AMD1: variants seen among roughly 807,000 people sequenced by gnomAD.
AMD1 encodes the protein S-adenosylmethionine decarboxylase proenzyme.
In AMD1, 11 loss-of-function variants were observed where a neutral mutation model predicts 40.2. That is an observed-to-expected ratio of 0.27 (90% CI 0.17 to 0.45). The LOEUF (loss-of-function observed/expected upper bound fraction) is 0.45. AMD1 is among the 20% of genes least tolerant of loss of function. The pLI, the probability that AMD1 is intolerant of heterozygous loss-of-function variation, is 1.00. For synonymous variants in AMD1, 121 were observed against 130.8 expected (o/e 0.93, Z 0.51); for missense variants, 257 against 410.2 (o/e 0.63, Z 3.23).
the AMD1 span, among the ~76,000 whole-genome samples, chr6:110,832,839 G>T: frequency 2.6e-5 from 4 of 151,920 alleles, no homozygotes; most frequent in African/African-American, 9.7e-5. Flanking sequence ...TTTTGTTTTT[G>T]AGACAGAGAT....
chr6:110,883,908 G>A (rs1323110030), intron 1 of AMD1, among the ~76,000 whole-genome samples: 1 of 152,112 alleles, frequency 6.6e-6, no homozygotes. Flanking sequence ...TATTTTTATA[G>A]GTAGTGGATG....
chr6:110,863,594 G>A, the AMD1 span, among the ~76,000 whole-genome samples: 1 of 148,566 alleles, frequency 6.7e-6, no homozygotes, highest in Non-Finnish European at 1.5e-5. Flanking sequence ...GGTCTTGAAC[G>A]CCTGACCTCA....
chr6:110,815,853 G>T, the AMD1 span: 7 of 152,446 alleles, frequency 4.6e-5, no homozygotes, highest in African/African-American at 1.7e-4. Flanking sequence ...GAGGGCTGGT[G>T]AGGACAGTTG....
At chr6:110,888,755 T>G in intron 2 of AMD1, 102 bp from the exon 3 acceptor site, 1 of 1,248,984 alleles carries the variant, frequency 8.0e-7, no homozygotes, top group Admixed American at 2.3e-5. Context: ...TCCTAATATT[T>G]AAAAGTACTA....
the AMD1 span, chr6:110,815,193 C>G: frequency 6.7e-7 from 1 of 1,493,624 alleles, no homozygotes; most frequent in Admixed American, 2.2e-5. Context: ...TCAGTCCCTC[C>G]TCCTCCTCCC....
chr6:110,817,277 T>A, the AMD1 span, among the ~76,000 whole-genome samples: 2 of 152,158 alleles, frequency 1.3e-5, no homozygotes, highest in Non-Finnish European at 2.9e-5. Context: ...TTTACCTTAT[T>A]TGCTACATCA....
the AMD1 span, chr6:110,858,821 A>G: frequency 3.9e-6 from 3 of 774,332 alleles, no homozygotes; most frequent in African/African-American, 1.7e-5. Context: ...CGACCCCAAG[A>G]ACCACATCCT....
chr6:110,868,293 G>A, the AMD1 span, among the ~76,000 whole-genome samples: 799 of 151,906 alleles, frequency 5.3e-3, 4 homozygotes, highest in African/African-American at 0.016. Context: ...GACTACAGGC[G>A]CTCACCACCA....
At chr6:110,888,727 T>A in intron 2 of AMD1, 130 bp from the exon 3 acceptor site, 1 of 861,592 alleles carries the variant, frequency 1.2e-6, no homozygotes, top group Non-Finnish European at 1.8e-6. Context: ...GAATAATGTG[T>A]TACTTGCTTC....
upstream of AMD1, among the ~76,000 whole-genome samples, chr6:110,873,131 G>A (rs922548673): frequency 6.6e-6 from 1 of 152,186 alleles, no homozygotes; most frequent in Non-Finnish European, 1.5e-5. Flanking sequence ...TTGGGAGGCC[G>A]AAGTGGGCAG....
the AMD1 span, among the ~76,000 whole-genome samples, chr6:110,866,970 T>C: frequency 2.6e-5 from 4 of 151,850 alleles, no homozygotes; most frequent in African/African-American, 7.3e-5. Context: ...CCCAACATCG[T>C]GCCCAGCTAA....
At chr6:110,850,411 C>G in the AMD1 span, among the ~76,000 whole-genome samples, 6 of 152,164 alleles carry the variant, frequency 3.9e-5, no homozygotes, top group Non-Finnish European at 8.8e-5. Flanking sequence ...AACTCCTTCA[C>G]TGTCTCAGAA....
chr6:110,878,189 C>G (rs945534645), intron 1 of AMD1, among the ~76,000 whole-genome samples: 6 of 152,084 alleles, frequency 3.9e-5, no homozygotes, highest in Non-Finnish European at 7.4e-5. Flanking sequence ...CAACATACTT[C>G]CCTCGGTTTT....
At chr6:110,819,107 C>T in the AMD1 span, among the ~76,000 whole-genome samples, 1 of 152,148 alleles carries the variant, frequency 6.6e-6, no homozygotes, top group Non-Finnish European at 1.5e-5. Flanking sequence ...GCTGTAATCC[C>T]ACCACTTTGG....
chr6:110,868,240 C>A, the AMD1 span, among the ~76,000 whole-genome samples: 258 of 152,012 alleles, frequency 1.7e-3, no homozygotes, highest in Admixed American at 3.2e-3. Flanking sequence ...TTCTGCCTCC[C>A]GGGTTCATGC....
At chr6:110,851,237 A>G in the AMD1 span, among the ~76,000 whole-genome samples, 1 of 152,138 alleles carries the variant, frequency 6.6e-6, no homozygotes, top group African/African-American at 2.4e-5. Context: ...AAGTGCTGAG[A>G]TTACAGGCAT....
the AMD1 span, among the ~76,000 whole-genome samples, chr6:110,831,696 G>A: frequency 3.9e-5 from 6 of 152,096 alleles, no homozygotes; most frequent in African/African-American, 1.4e-4. Context: ...TTTGCATTGG[G>A]AACCTTAGCA....
the AMD1 span, chr6:110,816,075 T>A: frequency 6.6e-6 from 1 of 152,232 alleles, no homozygotes; most frequent in Non-Finnish European, 1.5e-5. Context: ...AAAAACCGTA[T>A]TTCAAAAACT....
intron 2 of AMD1, chr6:110,888,639 T>C (rs1785837159): frequency 2.9e-6 from 1 of 346,686 alleles, no homozygotes; most frequent in South Asian, 4.9e-5. Context: ...AAGTTTATAT[T>C]ATGAATATAC....
Sources: allele counts gnomAD v4.1 joint callset (sites outside exome capture counted in the v4.1 genomes callset), GRCh38; gene constraint gnomAD v4.1.1; transcripts MANE v1.5; gene names NCBI Gene and HGNC (gene_info 2026-07-23, HGNC 2026-07-21).